EPHA6: variants seen among roughly 807,000 people sequenced by gnomAD.
The protein encoded by EPHA6 is EPH receptor A6, also known as ephrin type-A receptor 6.
Under a neutral mutation model 112.0 loss-of-function variants are expected in EPHA6, and 50 were observed. The ratio of observed to expected loss-of-function variants is 0.45; its 90% CI spans 0.36 to 0.56. EPHA6 has a LOEUF of 0.56. EPHA6 is among the 20% of genes least tolerant of loss of function. The pLI is 0.00. For missense variants in EPHA6, 1,280 were observed against 1,417.4 expected (o/e 0.90, Z 1.56); for synonymous variants, 529 against 490.7 (o/e 1.08, Z -1.03).
intron 13 of EPHA6, among the ~76,000 whole-genome samples, chr3:97,616,355 A>G (rs2107483171): frequency 6.6e-6 from 1 of 152,296 alleles, no homozygotes; most frequent in Non-Finnish European, 1.5e-5. Flanking sequence ...AAAACTCAAA[A>G]AGCCAGAGTG....
intron 14 of EPHA6, among the ~76,000 whole-genome samples, chr3:97,656,004 T>G (rs1190291090): frequency 6.6e-6 from 1 of 151,998 alleles, no homozygotes; most frequent in Non-Finnish European, 1.5e-5. Flanking sequence ...TACCAGTCTT[T>G]TCAAATTATT....
intron 3 of EPHA6, among the ~76,000 whole-genome samples, chr3:97,059,685 CCA>C (rs2045957768): frequency 6.7e-6 from 1 of 148,408 alleles, no homozygotes; most frequent in Non-Finnish European, 1.5e-5. Context: ...CAATTTAGCA[CCA>C]GAGTCATCCT....
chr3:97,105,447 G>T (rs187884320), intron 3 of EPHA6, among the ~76,000 whole-genome samples: 3 of 152,212 alleles, frequency 2.0e-5, no homozygotes, highest in Admixed American at 2.0e-4. Context: ...TAATTTCCAT[G>T]TAATTGCATG....
intron 2 of EPHA6, among the ~76,000 whole-genome samples, chr3:96,926,032 T>A (rs1246749474): frequency 6.6e-6 from 1 of 152,116 alleles, no homozygotes; most frequent in Non-Finnish European, 1.5e-5. Flanking sequence ...AGTAGTTCAT[T>A]TTCACACTGC....
chr3:96,835,693 G>A (rs936001627), intron 1 of EPHA6, among the ~76,000 whole-genome samples: 4 of 151,678 alleles, frequency 2.6e-5, no homozygotes, highest in Admixed American at 2.6e-4. Context: ...ATCATTATAG[G>A]GATTTTTGAA....
intron 14 of EPHA6, among the ~76,000 whole-genome samples, chr3:97,672,881 T>C (rs2030990394): frequency 2.0e-5 from 3 of 152,248 alleles, no homozygotes; most frequent in Admixed American, 1.3e-4. Flanking sequence ...CTGAAATAGG[T>C]TTTTCATATT....
intron 6 of EPHA6, among the ~76,000 whole-genome samples, chr3:97,406,754 G>GATAAGT (rs1186261714): frequency 1.3e-5 from 2 of 152,054 alleles, no homozygotes; most frequent in Non-Finnish European, 2.9e-5. Flanking sequence ...TAAATCCATA[G>GATAAGT]CCTAAGAAAG....
chr3:97,493,354 T>C (rs1302404133), intron 10 of EPHA6, among the ~76,000 whole-genome samples: 2 of 152,158 alleles, frequency 1.3e-5, no homozygotes, highest in Non-Finnish European at 2.9e-5. Flanking sequence ...CTCACAGTTC[T>C]GGAGGCTGGA....
At chr3:97,210,132 C>A (rs79871842) in intron 3 of EPHA6, among the ~76,000 whole-genome samples, 7,741 of 152,120 alleles carry the variant, frequency 0.051, 558 homozygotes, top group Admixed American at 0.2. Flanking sequence ...TATTTATAAT[C>A]TGAATATCCT....
chr3:97,604,100 G>T (rs940036811), intron 12 of EPHA6, among the ~76,000 whole-genome samples: 2 of 151,628 alleles, frequency 1.3e-5, no homozygotes, highest in African/African-American at 4.8e-5. Context: ...TAAGGAGGAG[G>T]CTATAATAAT....
At chr3:97,582,148 G>C (rs891198937) in intron 11 of EPHA6, among the ~76,000 whole-genome samples, 1 of 152,056 alleles carries the variant, frequency 6.6e-6, no homozygotes, top group Non-Finnish European at 1.5e-5. Context: ...TCCTGCCTCA[G>C]CCTCCTGAAT....
intron 3 of EPHA6, among the ~76,000 whole-genome samples, chr3:97,222,997 C>T (rs1375104867): frequency 6.6e-6 from 1 of 152,118 alleles, no homozygotes; most frequent in East Asian, 1.9e-4. Context: ...AAGGAATTGG[C>T]AACATACGTG....
intron 5 of EPHA6, among the ~76,000 whole-genome samples, chr3:97,268,513 T>C (rs867174752): frequency 3.3e-5 from 5 of 152,212 alleles, no homozygotes; most frequent in South Asian, 2.1e-4. Context: ...AACATACTTC[T>C]AAGTTTGGAG....
At chr3:96,890,457 G>T (rs1311610191) in intron 2 of EPHA6, among the ~76,000 whole-genome samples, 2 of 152,164 alleles carry the variant, frequency 1.3e-5, no homozygotes, top group East Asian at 3.9e-4. Flanking sequence ...AGATTAGAAG[G>T]ATTGATAGAT....
At chr3:97,142,038 A>G (rs1307277846) in intron 3 of EPHA6, among the ~76,000 whole-genome samples, 1 of 151,968 alleles carries the variant, frequency 6.6e-6, no homozygotes, top group East Asian at 1.9e-4. Flanking sequence ...TTCTATTTAT[A>G]GTGTTCTGTT....
At chr3:97,371,937 G>C (rs563209313) in intron 5 of EPHA6, among the ~76,000 whole-genome samples, 21 of 152,184 alleles carry the variant, frequency 1.4e-4, no homozygotes, top group East Asian at 5.8e-4. Flanking sequence ...ATAAATTTTG[G>C]TCAGAACGGT....
chr3:97,068,691 C>T (rs1158977268), intron 3 of EPHA6, among the ~76,000 whole-genome samples: 1 of 151,946 alleles, frequency 6.6e-6, no homozygotes, highest in Non-Finnish European at 1.5e-5. Flanking sequence ...TGTTGAAACC[C>T]TAACCCCAGT....
At chr3:97,282,457 A>G (rs1419380476) in intron 5 of EPHA6, among the ~76,000 whole-genome samples, 1 of 152,196 alleles carries the variant, frequency 6.6e-6, no homozygotes, top group Admixed American at 6.5e-5. Flanking sequence ...AACCAGAGAT[A>G]CCATTTGACC....
intron 14 of EPHA6, among the ~76,000 whole-genome samples, chr3:97,695,570 C>A (rs532643067): frequency 6.6e-6 from 1 of 152,270 alleles, no homozygotes; most frequent in South Asian, 2.1e-4. Context: ...AAGACGGAGT[C>A]TCGCTCTGTC....
Sources: gnomAD v4.1 joint callset for allele counts (sites outside exome capture counted in the v4.1 genomes callset) on GRCh38, gnomAD v4.1.1 for gene constraint, MANE v1.5 for transcripts, NCBI Gene and HGNC (gene_info 2026-07-23, HGNC 2026-07-21) for gene names.